DNAJB1: variants seen among roughly 807,000 people sequenced by gnomAD.
DNAJB1 encodes DnaJ heat shock protein family (Hsp40) member B1.
In DNAJB1, 14 loss-of-function variants were observed where a neutral mutation model predicts 24.0. That is an observed-to-expected ratio of 0.58 (90% CI 0.39 to 0.91). DNAJB1 has a LOEUF of 0.91. Among genes scored for constraint, DNAJB1 ranks in the 40% least tolerant of loss-of-function variants. The pLI, the probability that DNAJB1 is intolerant of heterozygous loss-of-function variation, is 0.00. For synonymous variants in DNAJB1, 262 were observed against 174.4 expected, an observed-to-expected ratio of 1.50 and a Z score of -3.96; for missense variants, 517 against 458.1, an observed-to-expected ratio of 1.13 and a Z score of -1.17.
intron 1 of DNAJB1, among the ~76,000 whole-genome samples, chr19:14,536,202 C>T (rs2072892057): frequency 1.3e-5 from 2 of 151,618 alleles, no homozygotes; most frequent in Admixed American, 1.3e-4. Context: ...GTGCTAGGCT[C>T]ATATGCTTAA....
At chr19:14,541,860 G>A (rs760692163) in intron 1 of DNAJB1, among the ~76,000 whole-genome samples, 4 of 150,608 alleles carry the variant, frequency 2.7e-5, no homozygotes, top group Non-Finnish European at 4.4e-5. Flanking sequence ...TTGGGTCACT[G>A]CAACCTTCGC....
chr19:14,543,420 T>TA (rs1491174243), intron 1 of DNAJB1, among the ~76,000 whole-genome samples: 36 of 5,488 alleles, frequency 6.6e-3, no homozygotes, highest in Non-Finnish European at 9.2e-3. Flanking sequence ...TATATATATA[T>TA]TTTTTTTTTT....
chr19:14,536,267 G>GT (rs201416657), intron 1 of DNAJB1, among the ~76,000 whole-genome samples: 3,773 of 138,016 alleles, frequency 0.027, 151 homozygotes, highest in African/African-American at 0.081. Context: ...TCTCGAGCTA[G>GT]TTTTTTTTTT....
chr19:14,529,411 C>T (rs2072522014), upstream of DNAJB1: 1 of 589,510 alleles, frequency 1.7e-6, no homozygotes, highest in Admixed American at 2.8e-5. Context: ...TCTCTTTAGC[C>T]CCTCCTACAG....
In DNAJB1 at chr19:14,547,715, A is replaced by G. The variant is rs930403204; in HGVS notation, c.-214+2493T>C. ...ATTCTGTCACCCAGGTTGGAGTGCAATGGTGCTATTATAGTTCACTGCAGC... is the reference window on the plus strand; with the variant it reads ...ATTCTGTCACCCAGGTTGGAGTGCAGTGGTGCTATTATAGTTCACTGCAGC... On this transcript the variant is annotated intron_variant, in intron 1 of 3. Coordinates refer to the DNAJB1 transcript ENST00000676982. Among the ~76,000 whole-genome samples, 4 of 150,034 alleles carry G rather than the reference A, an allele frequency of 2.7e-5. 1 individual carries two copies. Among genetic ancestry groups the G allele is most frequent in the South Asian group, 4.2e-4 (2 of 4,768 alleles).
chr19:14,522,093 A>G (rs2072366937), upstream of DNAJB1, among the ~76,000 whole-genome samples: 5 of 152,154 alleles, frequency 3.3e-5, no homozygotes. Context: ...ACTTCAGCAG[A>G]TATTGGGCTC....
intron 1 of DNAJB1, among the ~76,000 whole-genome samples, chr19:14,536,023 A>G (rs73002839): frequency 0.33 from 49,616 of 151,770 alleles, 8,799 homozygotes; most frequent in Non-Finnish European, 0.41. Context: ...TCAGAGCCCC[A>G]GGCTTGAGAT....
chr19:14,518,398 G>A (rs775726800), upstream of DNAJB1: 60 of 1,505,688 alleles, frequency 4.0e-5, no homozygotes, highest in Middle Eastern at 2.5e-4. Context: ...CCCCGGCTCC[G>A]CCGCCGACCA....
intron 2 of DNAJB1, among the ~76,000 whole-genome samples, chr19:14,525,971 A>G (rs2072417659): frequency 6.6e-6 from 1 of 152,132 alleles, no homozygotes; most frequent in South Asian, 2.1e-4. Context: ...CAGCTCATTC[A>G]TACACAACCC....
At chr19:14,544,731 C>T (rs184399265) in intron 1 of DNAJB1, among the ~76,000 whole-genome samples, 107 of 151,156 alleles carry the variant, frequency 7.1e-4, no homozygotes, top group African/African-American at 2.5e-3. Flanking sequence ...CTCCTGGGTT[C>T]AAGGGATTCT....
intron 2 of DNAJB1, among the ~76,000 whole-genome samples, chr19:14,525,348 A>G (rs1338143164): frequency 6.7e-6 from 1 of 149,218 alleles, no homozygotes; most frequent in East Asian, 1.9e-4. Flanking sequence ...TTTTTTTGAG[A>G]TGGAGTCTCA....
intron 1 of DNAJB1, among the ~76,000 whole-genome samples, chr19:14,535,752 G>C (rs2072875617): frequency 2.3e-5 from 1 of 43,446 alleles, no homozygotes; most frequent in Non-Finnish European, 5.4e-5. Context: ...GTGAGACTCT[G>C]TCTCAAAAAA....
At chr19:14,529,892 G>A (rs1240172300), upstream of DNAJB1, 2 of 845,636 alleles carry the variant, frequency 2.4e-6, no homozygotes, top group East Asian at 5.3e-5. Flanking sequence ...ATGTGCGCAG[G>A]AAGTATTTAT....
At position 14,535,543 on chromosome 19, in the gene DNAJB1, AATATATATATATAT is replaced by A. The variant is rs747348455; in HGVS notation, c.-213-7747_-213-7734del. Reference sequence around the variant, plus strand: ...AAAAAAAAAAAAAAAAAAAAAAAAAAATATATATATATATATATATATATATATATATATATATA... The same window carrying A: ...AAAAAAAAAAAAAAAAAAAAAAAAAAATATATATATATATATATATATATA... On this transcript the variant is annotated intron_variant, in intron 1 of 3. Coordinates refer to the DNAJB1 transcript ENST00000676982. Among the ~76,000 whole-genome samples the A allele has an allele frequency of 9.4e-3, 306 of 32,686 alleles. 2 individuals are homozygous for A. Among genetic ancestry groups the A allele is most frequent in the Middle Eastern group, 0.042 (2 of 48 alleles). The allele number at this position is 32,686 out of a possible 152,430, so 21.4% of individuals were successfully genotyped here. A position where few individuals can be genotyped will look rare whatever the true frequency, so the allele number is the denominator to read the frequency against.
intron 1 of DNAJB1, among the ~76,000 whole-genome samples, chr19:14,537,140 G>A (rs1452453615): frequency 2.1e-5 from 3 of 139,868 alleles, no homozygotes; most frequent in Non-Finnish European, 4.6e-5. Flanking sequence ...CTGAGGATGA[G>A]GAGGTAGGGC....
chr19:14,518,052 C>G (rs2072306553), intron 1 of DNAJB1, 87 bp downstream of exon 1: 1 of 1,330,448 alleles, frequency 7.5e-7, no homozygotes, highest in South Asian at 1.7e-5. Context: ...GGGCGTCCTT[C>G]CCGGGGGGCC....
chr19:14,534,801 A>G (rs145977907), upstream of DNAJB1, among the ~76,000 whole-genome samples: 559 of 152,272 alleles, frequency 3.7e-3, 5 homozygotes, highest in African/African-American at 0.011. Context: ...AGATAATGCA[A>G]CTGAAGCTCA....
At position 14,515,907 on chromosome 19, in the gene DNAJB1, G is replaced by C. The variant is rs748281603; in HGVS notation, c.*33C>G. ...TCCAGAAATCCTTGAGCTCTGGAAA[G>C]GTCCCTGGTCAGTCCTTGGGGAGCT... On this transcript the variant is annotated 3_prime_UTR_variant, in exon 3 of 3. Coordinates refer to ENST00000254322, the MANE Select transcript of DNAJB1 (RefSeq NM_006145.3). 5.0e-5 allele frequency: 80 copies of C among 1,593,862 alleles called. No individual in the cohort carries two copies. In the East Asian group the frequency reaches 1.7e-3, roughly 34 times the overall value.
chr19:14,548,149 A>C (rs2073368756), intron 1 of DNAJB1, among the ~76,000 whole-genome samples: 1 of 151,300 alleles, frequency 6.6e-6, no homozygotes, highest in African/African-American at 2.4e-5. Context: ...TTTTTTGTAG[A>C]GATGGGGTTT....
Sources: gnomAD v4.1 joint callset for allele counts (sites outside exome capture counted in the v4.1 genomes callset) on GRCh38, gnomAD v4.1.1 for gene constraint, MANE v1.5 for transcripts, NCBI Gene and HGNC (gene_info 2026-07-23, HGNC 2026-07-21) for gene names.